MTMR9: variants seen among roughly 807,000 people sequenced by gnomAD.
The protein encoded by MTMR9 is myotubularin related protein 9.
Under a neutral mutation model 69.5 loss-of-function variants are expected in MTMR9, and 39 were observed. That is an observed-to-expected ratio of 0.56 (90% CI 0.43 to 0.73). MTMR9 has a LOEUF of 0.73. MTMR9 is among the 30% of genes least tolerant of loss of function. The pLI is 0.00. For missense variants in MTMR9, 900 were observed against 671.2 expected, an observed-to-expected ratio of 1.34 and a Z score of -3.77; for synonymous variants, 354 against 240.8, an observed-to-expected ratio of 1.47 and a Z score of -4.35.
chr8:11,287,887 T>G (rs111215885), intron 1 of MTMR9, among the ~76,000 whole-genome samples: 2 of 128,496 alleles, frequency 1.6e-5, no homozygotes, highest in Non-Finnish European at 3.1e-5. Context: ...ATAACATATA[T>G]AATACGTATT....
At chr8:11,332,186 CAAAAAAAAAATAAA>C (rs1563298448), downstream of MTMR9, 1 of 1,235,270 alleles carries the variant, frequency 8.1e-7, no homozygotes, top group Non-Finnish European at 1.1e-6. Flanking sequence ...AGACTGAAGA[CAAAAAAAAAATAAA>C]AGAAAAAAAA....
At chr8:11,310,682 A>C (rs1429715466) in intron 6 of MTMR9, among the ~76,000 whole-genome samples, 1 of 152,130 alleles carries the variant, frequency 6.6e-6, no homozygotes, top group African/African-American at 2.4e-5. Flanking sequence ...ACAAATACAT[A>C]ATGATTTTGT....
downstream of MTMR9, among the ~76,000 whole-genome samples, chr8:11,330,211 GCGGCCTGGCCAGCCGCCCCGTCC>G (rs1801153096): frequency 7.0e-5 from 9 of 129,064 alleles, no homozygotes; most frequent in Admixed American, 3.8e-4. Context: ...GGGGTCAGCC[GCGGCCTGGCCAGCCGCCCCGTCC>G]GGGAGGGAGG....
intron 9 of MTMR9, 178 bp downstream of exon 9, chr8:11,320,016 C>T (rs932700620): frequency 4.1e-5 from 17 of 414,110 alleles, no homozygotes; most frequent in East Asian, 8.4e-5. Flanking sequence ...TCTAGCCACA[C>T]TTTTTTTTTT....
At chr8:11,296,218 G>C (rs1799554370) in intron 2 of MTMR9, among the ~76,000 whole-genome samples, 1 of 152,018 alleles carries the variant, frequency 6.6e-6, no homozygotes, top group Admixed American at 6.5e-5. Flanking sequence ...ACATCTCTCT[G>C]ATTTGTTTTC....
At chr8:11,316,972 G>C (rs1800447644) in intron 8 of MTMR9, 79 bp downstream of exon 8, 2 of 897,846 alleles carry the variant, frequency 2.2e-6, no homozygotes, top group Admixed American at 2.5e-5. Flanking sequence ...TCTCCTAGGA[G>C]ACGACGATTT....
intron 2 of MTMR9, chr8:11,298,618 C>G (rs755449998): frequency 2.9e-6 from 1 of 341,542 alleles, no homozygotes; most frequent in Non-Finnish European, 4.1e-6. Context: ...TAAGTGCATT[C>G]TGAGCATTGC....
At chr8:11,303,051 A>C (rs1471358756) in intron 3 of MTMR9, among the ~76,000 whole-genome samples, 1 of 151,628 alleles carries the variant, frequency 6.6e-6, no homozygotes, top group African/African-American at 2.4e-5. Flanking sequence ...CCGATTTATA[A>C]AGTCAATACA....
intron 6 of MTMR9, among the ~76,000 whole-genome samples, chr8:11,312,914 C>CA (rs1237308184): frequency 1.3e-5 from 2 of 152,194 alleles, no homozygotes; most frequent in African/African-American, 2.4e-5. Flanking sequence ...GGTGCATTGT[C>CA]AGTGTGCAGT....
intron 3 of MTMR9, among the ~76,000 whole-genome samples, chr8:11,304,471 A>G (rs1055514171): frequency 2.0e-5 from 3 of 152,200 alleles, no homozygotes; most frequent in African/African-American, 7.2e-5. Context: ...TGGAGAATAG[A>G]ACACTAAGGA....
chr8:11,293,965 T>A (rs1045256175), intron 1 of MTMR9, among the ~76,000 whole-genome samples: 2 of 152,218 alleles, frequency 1.3e-5, no homozygotes, highest in African/African-American at 4.8e-5. Flanking sequence ...GCCTTGAAAT[T>A]GTGTAGTGTT....
the MTMR9 span, among the ~76,000 whole-genome samples, chr8:11,333,790 C>T: frequency 6.6e-6 from 1 of 152,200 alleles, no homozygotes; most frequent in African/African-American, 2.4e-5. Context: ...GACAGTAACT[C>T]AAACCTGAGT....
At chr8:11,338,573 T>G in the MTMR9 span, among the ~76,000 whole-genome samples, 38 of 152,300 alleles carry the variant, frequency 2.5e-4, 1 homozygote, top group Non-Finnish European at 4.4e-5. Flanking sequence ...CAGGGGAACC[T>G]TTTCCACAGC....
At chr8:11,338,115 A>G in the MTMR9 span, among the ~76,000 whole-genome samples, 3 of 152,384 alleles carry the variant, frequency 2.0e-5, no homozygotes, top group East Asian at 1.9e-4. Flanking sequence ...ACACTGTCCC[A>G]TGACTCAGAA....
At chr8:11,308,119 C>A (rs1447228226) in intron 5 of MTMR9, among the ~76,000 whole-genome samples, 1 of 152,196 alleles carries the variant, frequency 6.6e-6, no homozygotes, top group Non-Finnish European at 1.5e-5. Flanking sequence ...TTTTCCCAGA[C>A]CAATGTCAAG....
At chr8:11,290,000 G>A (rs1470837377) in intron 1 of MTMR9, among the ~76,000 whole-genome samples, 1 of 152,110 alleles carries the variant, frequency 6.6e-6, no homozygotes, top group Non-Finnish European at 1.5e-5. Flanking sequence ...ATGGGATGGC[G>A]CCATAAAGTA....
intron 5 of MTMR9, 42 bp from the exon 6 acceptor site, chr8:11,309,485 A>G (rs1800103614): frequency 6.5e-7 from 1 of 1,539,088 alleles, no homozygotes; most frequent in African/African-American, 1.4e-5. Flanking sequence ...TTATCTTTCT[A>G]TTTTCTGGGT....
intron 1 of MTMR9, among the ~76,000 whole-genome samples, chr8:11,287,730 ATTATATAT>A (rs1256975398): frequency 1.5e-5 from 2 of 136,064 alleles, no homozygotes; most frequent in African/African-American, 5.5e-5. Flanking sequence ...TATATTATAT[ATTATATAT>A]TATTTTCTTA....
At chr8:11,334,147 C>T in the MTMR9 span, among the ~76,000 whole-genome samples, 1 of 152,096 alleles carries the variant, frequency 6.6e-6, no homozygotes, top group Non-Finnish European at 1.5e-5. Flanking sequence ...AGCCTTGAGC[C>T]AGATAAACTT....
Sources: gnomAD v4.1 joint callset for allele counts (sites outside exome capture counted in the v4.1 genomes callset) on GRCh38, gnomAD v4.1.1 for gene constraint, MANE v1.5 for transcripts, NCBI Gene and HGNC (gene_info 2026-07-23, HGNC 2026-07-21) for gene names.